Variants in MORC1 observed in about 807,000 individuals in gnomAD.
MORC1 encodes MORC family CW-type zinc finger protein 1.
A neutral mutation model predicts 134.9 loss-of-function variants in MORC1; 59 were observed. The ratio of observed to expected loss-of-function variants is 0.44; its 90% CI spans 0.35 to 0.54. MORC1 has a LOEUF of 0.54. MORC1 is among the 20% of genes least tolerant of loss of function. MORC1 has a pLI of 0.00. For missense variants in MORC1, 947 were observed against 1,134.5 expected, an observed-to-expected ratio of 0.83 and a Z score of 2.37; for synonymous variants, 395 against 391.7, an observed-to-expected ratio of 1.01 and a Z score of -0.10.
At chr3:109,100,642 T>C (rs958472125) in intron 4 of MORC1, 135 bp from the exon 5 acceptor site, 1 of 678,378 alleles carries the variant, frequency 1.5e-6, no homozygotes, top group African/African-American at 1.8e-5. Flanking sequence ...GAGACAAGGA[T>C]TTTCATCAGA....
At chr3:109,098,048 A>G (rs1341644753) in intron 6 of MORC1, among the ~76,000 whole-genome samples, 2 of 152,148 alleles carry the variant, frequency 1.3e-5, no homozygotes, top group African/African-American at 2.4e-5. Flanking sequence ...ACATAGGTAA[A>G]TATCAAAAGA....
chr3:108,980,432 C>G (rs1351412227), intron 23 of MORC1, among the ~76,000 whole-genome samples: 1 of 152,150 alleles, frequency 6.6e-6, no homozygotes, highest in East Asian at 1.9e-4. Context: ...AGATAAGGCA[C>G]CAAGCTAGCA....
chr3:109,082,030 T>C lies in MORC1; in HGVS notation c.689+11406A>G, dbSNP rs566092402. Among the ~76,000 whole-genome samples the C allele has an allele frequency of 5.7e-4, 86 of 151,834 alleles. 2 individuals carry two copies. The highest frequency in any genetic ancestry group is 1.8e-3 in the African/African-American group (76 of 41,396). ...AACTGTGCTAGGTAACTCAGACAAATCAAGTGGCCGTTCAGCAGCATCACA... is the reference window on the plus strand; with the variant it reads ...AACTGTGCTAGGTAACTCAGACAAACCAAGTGGCCGTTCAGCAGCATCACA... On this transcript the variant is annotated intron_variant, in intron 8 of 27. Coordinates refer to ENST00000232603, the MANE Select transcript of MORC1 (RefSeq NM_014429.4).
chr3:109,073,134 C>A (rs1287601762), intron 8 of MORC1, among the ~76,000 whole-genome samples: 1 of 152,154 alleles, frequency 6.6e-6, no homozygotes, highest in African/African-American at 2.4e-5. Context: ...CTAATTTAGC[C>A]CCTACCTGTG....
intron 24 of MORC1, among the ~76,000 whole-genome samples, chr3:108,973,792 G>T (rs562212175): frequency 6.6e-6 from 1 of 151,660 alleles, no homozygotes; most frequent in African/African-American, 2.4e-5. Context: ...TAGAGATGGG[G>T]TTTTGCCATG....
At chr3:109,068,801 G>T (rs112432343) in intron 9 of MORC1, among the ~76,000 whole-genome samples, 1 of 152,184 alleles carries the variant, frequency 6.6e-6, no homozygotes, top group African/African-American at 2.4e-5. Context: ...TGACCATTCT[G>T]ATGGCATGCA....
intron 8 of MORC1, among the ~76,000 whole-genome samples, chr3:109,083,109 C>G (rs1950552726): frequency 6.6e-6 from 1 of 152,080 alleles, no homozygotes. Context: ...TCATACAGGA[C>G]AGTAGACAGT....
intron 8 of MORC1, among the ~76,000 whole-genome samples, chr3:109,087,857 T>A (rs1482546839): frequency 2.0e-5 from 3 of 152,078 alleles, no homozygotes; most frequent in Non-Finnish European, 4.4e-5. Context: ...CAAAACAGCA[T>A]GGTACTGGTA....
chr3:109,062,482 G>A lies in MORC1; in HGVS notation c.896-424C>T, dbSNP rs562002180. ...ATCACCCAGGCTGGAGTGCAGTGGC[G>A]CGATCTCAGCTCACTGCAAACTCCC... On this transcript the variant is annotated intron_variant, in intron 10 of 27. Coordinates refer to ENST00000232603, the MANE Select transcript of MORC1 (RefSeq NM_014429.4). Among the ~76,000 whole-genome samples, 178 of 149,208 alleles carry A rather than the reference G, an allele frequency of 1.2e-3. 1 individual carries two copies. The highest frequency in any genetic ancestry group is 4.0e-3 in the African/African-American group (160 of 40,420).
In MORC1 at chr3:109,061,594, T is replaced by C. The variant is rs895853508; in HGVS notation, c.966+394A>G. ...TCCTTCCTTTCCCCATTTATTTAGGTCCACAGGGAGCTCTAATTTGAATAG... is the reference window on the plus strand; with the variant it reads ...TCCTTCCTTTCCCCATTTATTTAGGCCCACAGGGAGCTCTAATTTGAATAG... On this transcript the variant is annotated intron_variant, in intron 11 of 27. Transcript: ENST00000232603. 3.3e-5 allele frequency among the ~76,000 whole-genome samples: 5 copies of C among 152,186 alleles called. 1 individual carries two copies. Among genetic ancestry groups the C allele is most frequent in the Non-Finnish European group, 7.3e-5 (5 of 68,034 alleles).
intron 8 of MORC1, among the ~76,000 whole-genome samples, chr3:109,076,153 T>A (rs1463097760): frequency 6.6e-6 from 1 of 151,856 alleles, no homozygotes; most frequent in Non-Finnish European, 1.5e-5. Context: ...AACAACCCCA[T>A]CAAAAAGTGG....
intron 26 of MORC1, among the ~76,000 whole-genome samples, chr3:108,965,299 G>A (rs2107364019): frequency 1.3e-5 from 2 of 152,260 alleles, no homozygotes; most frequent in South Asian, 4.1e-4. Flanking sequence ...AACATTATTT[G>A]AAAAAACAAT....
At chr3:109,040,423 GGAAGGAAAGAAAGAAAGAAAGAAA>G (rs1462997215) in intron 14 of MORC1, among the ~76,000 whole-genome samples, 6 of 30,988 alleles carry the variant, frequency 1.9e-4, no homozygotes, top group African/African-American at 5.1e-4. Context: ...AAGGAAGGAA[GGAAGGAAAGAAAGAAAGAAAGAAA>G]GAAAGAAAGA....
intron 9 of MORC1, among the ~76,000 whole-genome samples, chr3:109,069,149 T>C (rs1950262085): frequency 6.6e-6 from 1 of 152,180 alleles, no homozygotes; most frequent in African/African-American, 2.4e-5. Flanking sequence ...AGAGAGACTC[T>C]GTCTCAAAAC....
chr3:109,064,592 A>G (rs1950156928), intron 9 of MORC1, among the ~76,000 whole-genome samples: 1 of 152,180 alleles, frequency 6.6e-6, no homozygotes, highest in Non-Finnish European at 1.5e-5. Flanking sequence ...TTGAAAAAAA[A>G]ACACACTTCA....
At chr3:109,091,157 A>G (rs1329387795) in intron 8 of MORC1, among the ~76,000 whole-genome samples, 1 of 152,050 alleles carries the variant, frequency 6.6e-6, no homozygotes, top group East Asian at 1.9e-4. Context: ...AAATACATGT[A>G]TGTTGGCCAG....
At chr3:109,009,861 CT>C (rs1311891776) in intron 17 of MORC1, among the ~76,000 whole-genome samples, 1 of 152,042 alleles carries the variant, frequency 6.6e-6, no homozygotes, top group African/African-American at 2.4e-5. Context: ...AAAAGTGTGC[CT>C]GATTTATACC....
chr3:109,076,963 A>G (rs944042533), intron 8 of MORC1, among the ~76,000 whole-genome samples: 10 of 112,226 alleles, frequency 8.9e-5, no homozygotes, highest in African/African-American at 2.7e-4. Flanking sequence ...GTATCCCAGA[A>G]CTTAAAGTAT....
chr3:108,968,181 A>C (rs766324344), intron 26 of MORC1, among the ~76,000 whole-genome samples: 1 of 152,206 alleles, frequency 6.6e-6, no homozygotes, highest in Non-Finnish European at 1.5e-5. Flanking sequence ...TCTTGTTAGG[A>C]AATGTTGACA....
Sources: gnomAD v4.1 joint callset for allele counts (sites outside exome capture counted in the v4.1 genomes callset) on GRCh38, gnomAD v4.1.1 for gene constraint, MANE v1.5 for transcripts, NCBI Gene and HGNC (gene_info 2026-07-23, HGNC 2026-07-21) for gene names.